The following CAST variants were observed in gnomAD, a reference collection of about 807,000 sequenced individuals.
CAST encodes MIR583 host.
Under a neutral mutation model 119.6 loss-of-function variants are expected in CAST, and 76 were observed. The ratio of observed to expected loss-of-function variants is 0.64; its 90% CI spans 0.53 to 0.77. The LOEUF (loss-of-function observed/expected upper bound fraction) is 0.77, where lower values mean the gene tolerates loss of function less well. CAST is among the 30% of genes least tolerant of loss of function. The pLI is 0.00. For synonymous variants in CAST, 319 were observed against 331.6 expected (o/e 0.96, Z 0.41); for missense variants, 953 against 946.5 (o/e 1.01, Z -0.09).
rs555523227 is a variant in CAST at position 96,558,454 on chromosome 5, C to T, written c.60+28574C>T. 3.2e-3 allele frequency among the ~76,000 whole-genome samples: 492 copies of T among 152,100 alleles called. 2 individuals carry two copies. Among genetic ancestry groups the T allele is most frequent in the Middle Eastern group, 0.01 (3 of 294 alleles). ...TGAAAAGATCAACAAAATTGAGAGACCACTAGCAAGACTAATAAAGAAGAA... is the reference window on the plus strand; with the variant it reads ...TGAAAAGATCAACAAAATTGAGAGATCACTAGCAAGACTAATAAAGAAGAA... On this transcript the variant is annotated intron_variant, in intron 1 of 11. Transcript: ENST00000505143.
chr5:95,968,010 G>A, the CAST span, among the ~76,000 whole-genome samples: 1 of 152,156 alleles, frequency 6.6e-6, no homozygotes. Context: ...GACAGAGCCA[G>A]GCTAGAACCT....
the CAST span, among the ~76,000 whole-genome samples, chr5:96,503,760 C>T: frequency 2.0e-5 from 3 of 152,182 alleles, no homozygotes; most frequent in Non-Finnish European, 2.9e-5. Flanking sequence ...ACAGGGCTCA[C>T]GCCTTCCCCT....
At chr5:96,662,989 G>T (rs1040553748) in intron 1 of CAST, 4 of 641,422 alleles carry the variant, frequency 6.2e-6, no homozygotes, top group South Asian at 3.6e-5. Flanking sequence ...CCAGGGTTCT[G>T]CCCACCTGGC....
chr5:96,740,762 A>G lies in CAST; in HGVS notation c.897A>G (p.Thr299=). Residue 299 remains threonine (T), a synonymous_variant, in exon 13 of 32, where the codon ACA becomes ACG. Transcript: ENST00000675179. ...TGTTTCAGAAAAAGGAAGGGATCACAGGGCCTCCTGCAGACTCTTCGGTGA... is the reference window on the plus strand; with the variant it reads ...TGTTTCAGAAAAAGGAAGGGATCACGGGGCCTCCTGCAGACTCTTCGGTGA... The part of the protein sequence containing the change: ...RELLAKKEGI[T]GPPADSSKPI... The G allele has an allele frequency of 6.3e-7, 1 of 1,599,570 alleles. No homozygotes were observed. Among genetic ancestry groups the G allele is most frequent in the Non-Finnish European group, 8.6e-7 (1 of 1,166,570 alleles).
intron 20 of CAST, among the ~76,000 whole-genome samples, chr5:96,751,593 T>C (rs968027508): frequency 3.3e-5 from 5 of 152,188 alleles, no homozygotes; most frequent in Admixed American, 1.3e-4. Context: ...TCAGGTACTT[T>C]TTACAGCATG....
At chr5:95,983,264 GC>G in the CAST span, among the ~76,000 whole-genome samples, 2 of 152,212 alleles carry the variant, frequency 1.3e-5, no homozygotes, top group African/African-American at 4.8e-5. Flanking sequence ...CCTGAAGAGG[GC>G]TGGCAGTACT....
the CAST span, among the ~76,000 whole-genome samples, chr5:95,996,987 G>A: frequency 6.6e-6 from 1 of 151,896 alleles, no homozygotes; most frequent in Non-Finnish European, 1.5e-5. Context: ...AAAAAAGACA[G>A]GAATATTGAA....
the CAST span, among the ~76,000 whole-genome samples, chr5:96,226,047 T>C: frequency 2.0e-3 from 309 of 152,308 alleles, no homozygotes; most frequent in African/African-American, 6.9e-3. Context: ...GATCAGCTTC[T>C]AATATGTCCC....
chr5:96,020,514 C>A, the CAST span, among the ~76,000 whole-genome samples: 9 of 152,150 alleles, frequency 5.9e-5, no homozygotes, highest in Non-Finnish European at 1.0e-4. Flanking sequence ...CACATTACTG[C>A]CTGAGTTCCA....
At chr5:96,156,035 G>A in the CAST span, among the ~76,000 whole-genome samples, 2 of 152,174 alleles carry the variant, frequency 1.3e-5, no homozygotes, top group South Asian at 2.1e-4. Context: ...TAACCTATGC[G>A]GAAAGTAAAT....
chr5:96,621,529 T>A (rs1004917191), intron 1 of CAST, among the ~76,000 whole-genome samples: 14 of 151,544 alleles, frequency 9.2e-5, no homozygotes, highest in African/African-American at 3.1e-4. Flanking sequence ...AGAGAGAGAG[T>A]GTGTGTGAAG....
At position 96,725,019 on chromosome 5, in the gene CAST, G is replaced by C. The variant is rs1025638183; in HGVS notation, c.271-1775G>C. Among the ~76,000 whole-genome samples, 5 of 152,084 alleles carry C rather than the reference G, an allele frequency of 3.3e-5. No homozygotes were observed. In the East Asian group the frequency reaches 7.7e-4, roughly 23 times the overall value. ...CCAATGTTTATTTCAAGCGTGGCCT[G>C]TTACCTAGAACAAATGTCAGCAAAC... On this transcript the variant is annotated intron_variant, in intron 4 of 31. Transcript: ENST00000675179.
At chr5:96,524,503 T>G (rs1350846412), upstream of CAST, among the ~76,000 whole-genome samples, 3 of 152,192 alleles carry the variant, frequency 2.0e-5, no homozygotes, top group Non-Finnish European at 2.9e-5. Flanking sequence ...ACCATGCTCA[T>G]GCTTGGCACT....
chr5:96,264,327 T>A, the CAST span, among the ~76,000 whole-genome samples: 2 of 152,230 alleles, frequency 1.3e-5, no homozygotes, highest in African/African-American at 2.4e-5. Context: ...TAAATAAGTC[T>A]ACTCGTATTC....
chr5:96,021,515 T>C, the CAST span, among the ~76,000 whole-genome samples: 1 of 151,704 alleles, frequency 6.6e-6, no homozygotes, highest in Non-Finnish European at 1.5e-5. Context: ...GCGCGATCTC[T>C]GCTCACTGCA....
the CAST span, among the ~76,000 whole-genome samples, chr5:96,063,926 C>T: frequency 6.6e-6 from 1 of 152,088 alleles, no homozygotes; most frequent in Non-Finnish European, 1.5e-5. Context: ...TGTGTGTGTG[C>T]TGGAGGCTCC....
chr5:96,255,307 G>A, the CAST span, among the ~76,000 whole-genome samples: 2 of 152,122 alleles, frequency 1.3e-5, no homozygotes, highest in Admixed American at 6.6e-5. Context: ...TTAGGTAAAG[G>A]AATGTTACAA....
chr5:96,758,420 T>C (rs1355724081), intron 24 of CAST, among the ~76,000 whole-genome samples: 4 of 152,198 alleles, frequency 2.6e-5, no homozygotes, highest in Non-Finnish European at 5.9e-5. Flanking sequence ...TGCAAATATA[T>C]AGTGAGTCTG....
At chr5:96,579,101 C>G (rs771440290) in intron 1 of CAST, among the ~76,000 whole-genome samples, 5 of 152,152 alleles carry the variant, frequency 3.3e-5, no homozygotes, top group Non-Finnish European at 5.9e-5. Flanking sequence ...TGGGGGAAAC[C>G]ATTTGTGTGG....
Sources: allele counts gnomAD v4.1 joint callset (sites outside exome capture counted in the v4.1 genomes callset), GRCh38; gene constraint gnomAD v4.1.1; transcripts MANE v1.5; gene names NCBI Gene and HGNC (gene_info 2026-07-23, HGNC 2026-07-21).